ASXL3: variants seen among roughly 807,000 people sequenced by gnomAD.
ASXL3 encodes ASXL transcriptional regulator 3.
ASXL3 carries 34 observed loss-of-function variants against 170.6 expected under a neutral mutation model. The observed-to-expected ratio is 0.20, with a 90% CI of 0.15 to 0.27. The LOEUF is 0.27. Among genes scored for constraint, ASXL3 ranks in the 10% least tolerant of loss-of-function variants. ASXL3 has a pLI of 1.00. For missense variants in ASXL3, 2,592 were observed against 2,695.3 expected (o/e 0.96, Z 0.85); for synonymous variants, 1,002 against 989.1 (o/e 1.01, Z -0.24).
chr18:33,638,177 ATC>A lies in ASXL3; in HGVS notation c.138-6715_138-6714del, dbSNP rs565988006. Among the ~76,000 whole-genome samples the A allele has an allele frequency of 5.3e-3, 798 of 150,120 alleles. 8 individuals are homozygous for A. The highest frequency in any genetic ancestry group is 0.018 in the African/African-American group (755 of 41,084). On this transcript the variant is annotated intron_variant, in intron 2 of 11. Coordinates refer to ENST00000269197, the MANE Select transcript of ASXL3 (RefSeq NM_030632.3). The stretch of plus-strand genomic sequence containing the variant: ...ACGCACATAGTGTGTGTATATATAT[ATC>A]TTATGTGTATATATATCTTATTTAT...
chr18:33,688,194 C>T (rs953475108), intron 8 of ASXL3, among the ~76,000 whole-genome samples: 30 of 152,096 alleles, frequency 2.0e-4, no homozygotes, highest in African/African-American at 5.8e-4. Flanking sequence ...AAACCCAGTA[C>T]GCCTGTCCTT....
In ASXL3 at chr18:33,746,512, G is replaced by T; in HGVS notation, c.6664G>T (p.Val2222Leu). The change falls in exon 12 of 12, where the codon GTG (valine) becomes TTG (leucine). Residue 2222 changes from valine to leucine, a missense_variant. Physicochemically the swap from Val to Leu is conservative, Grantham distance 32. Transcript: ENST00000269197. Reference sequence around the variant, plus strand: ...CTCTTGCCGGCTGAAAGCCATGATTGTGTGCAAAGGCTGTGGGGCCTTCTG... The same window carrying T: ...CTCTTGCCGGCTGAAAGCCATGATTTTGTGCAAAGGCTGTGGGGCCTTCTG... ...KCSCRLKAMI[V>L]CKGCGAFCHD... 6.2e-7 allele frequency: 1 copy of T among 1,613,910 alleles called. No individual in the cohort carries two copies. The highest frequency in any genetic ancestry group is 8.5e-7 in the Non-Finnish European group (1 of 1,179,836).
rs1599576086 is a variant in ASXL3, at chr18:33,745,150, A to G, written c.5302A>G (p.Arg1768Gly). The change falls in exon 12 of 12, where the codon AGA becomes GGA. Residue 1768 changes from arginine to glycine, a missense_variant. By Grantham distance (125) the Arg-to-Gly change is moderately radical (BLOSUM62 -2). Transcript: ENST00000269197. ...TTTGGAAAAAGTGTTGCCACAGCCC[A>G]GATTGGGAGCCAAGCTTGAAATCAA... ...LPLEKVLPQP[R>G]LGAKLEINRL... The G allele has an allele frequency of 1.9e-6, 3 of 1,614,014 alleles. No individual in the cohort carries two copies. The highest frequency in any genetic ancestry group is 4.5e-5 in the East Asian group (2 of 44,864).
intron 7 of ASXL3, among the ~76,000 whole-genome samples, chr18:33,681,766 TG>T (rs2066519839): frequency 3.3e-5 from 5 of 152,042 alleles, no homozygotes; most frequent in African/African-American, 1.2e-4. Flanking sequence ...CTGCAATCTG[TG>T]TTTTTTTTAA....
intron 8 of ASXL3, among the ~76,000 whole-genome samples, chr18:33,726,661 A>C (rs2067356595): frequency 6.6e-6 from 1 of 152,198 alleles, no homozygotes; most frequent in Non-Finnish European, 1.5e-5. Context: ...TTAGTAGAAA[A>C]ATTGAAATCA....
intron 2 of ASXL3, among the ~76,000 whole-genome samples, chr18:33,644,116 C>T (rs1328799557): frequency 6.6e-6 from 1 of 151,826 alleles, no homozygotes; most frequent in Non-Finnish European, 1.5e-5. Flanking sequence ...TGAACTCATT[C>T]TAATAATGTT....
chr18:33,610,746 C>G (rs9967208), intron 2 of ASXL3, among the ~76,000 whole-genome samples: 6 of 152,098 alleles, frequency 3.9e-5, no homozygotes, highest in African/African-American at 1.4e-4. Context: ...GTAACAACTT[C>G]GGCTTGCATT....
chr18:33,607,455 C>T (rs1383865369), intron 1 of ASXL3, 139 bp from the exon 2 acceptor site: 1 of 695,556 alleles, frequency 1.4e-6, no homozygotes, highest in Non-Finnish European at 2.4e-6. Flanking sequence ...CTTTGGACAC[C>T]TGATCTGTAT....
At chr18:33,615,181 G>A (rs908525884) in intron 2 of ASXL3, among the ~76,000 whole-genome samples, 6 of 152,092 alleles carry the variant, frequency 3.9e-5, no homozygotes, top group Non-Finnish European at 8.8e-5. Context: ...CTTTGTCAAT[G>A]ATCTTAGCGA....
chr18:33,579,394 G>A (rs911862828), intron 1 of ASXL3, among the ~76,000 whole-genome samples: 2 of 152,174 alleles, frequency 1.3e-5, no homozygotes, highest in African/African-American at 4.8e-5. Flanking sequence ...TTGGGTCAGT[G>A]TCATTTGTAG....
intron 8 of ASXL3, among the ~76,000 whole-genome samples, chr18:33,704,293 A>T (rs1488422848): frequency 1.3e-5 from 2 of 152,090 alleles, no homozygotes; most frequent in Non-Finnish European, 2.9e-5. Context: ...GATATTACAG[A>T]TGCCTCTGAA....
chr18:33,742,845 A>C (rs2067687329), intron 11 of ASXL3, 43 bp from the exon 12 acceptor site: 1 of 1,531,322 alleles, frequency 6.5e-7, no homozygotes, highest in African/African-American at 1.4e-5. Flanking sequence ...CTCTGTGATC[A>C]TGTATGAAGC....
At position 33,746,065 on chromosome 18, in the gene ASXL3, A is replaced by G; in HGVS notation, c.6217A>G (p.Thr2073Ala). 2 of 1,613,266 alleles carry G rather than the reference A, an allele frequency of 1.2e-6. No homozygotes were observed. Among genetic ancestry groups the G allele is most frequent in the Non-Finnish European group, 8.5e-7 (1 of 1,179,846 alleles). ...TAAGAGACTTAGTTGGCCACAGTCC[A>G]CGGGCATATGTAGCAATATAAAATC... ...TTKRLSWPQS[T>A]GICSNIKSEP... Residue 2073 changes from threonine to alanine, a missense_variant, in exon 12 of 12, where the codon ACG becomes GCG. By Grantham distance (58) the Thr-to-Ala change is moderately conservative. Coordinates refer to ENST00000269197, the MANE Select transcript of ASXL3 (RefSeq NM_030632.3).
chr18:33,742,497 A>G (rs2067680851), intron 11 of ASXL3, among the ~76,000 whole-genome samples: 1 of 152,152 alleles, frequency 6.6e-6, no homozygotes, highest in Non-Finnish European at 1.5e-5. Context: ...ACTCAAATAG[A>G]GTTGAAGTTC....
Position 33,745,615 on chromosome 18 carries a change from G to T in ASXL3, c.5767G>T (p.Ala1923Ser). ...VDKNGGFHTD[A>S]GTSHRQQFYQ... Reference sequence around the variant, plus strand: ...CAAGAATGGCGGCTTCCACACTGACGCTGGTACCTCACACAGACAGCAGTT... The same window carrying T: ...CAAGAATGGCGGCTTCCACACTGACTCTGGTACCTCACACAGACAGCAGTT... The change falls in exon 12 of 12, where the codon GCT becomes TCT. Residue 1923 changes from alanine (A) to serine (S), a missense_variant. This residue lies in a region of ASXL3 where 2,246 missense variants were observed against 2,219.6 expected (regional missense o/e 1.01). Coordinates refer to ENST00000269197, the MANE Select transcript of ASXL3 (RefSeq NM_030632.3). 1 of 1,613,920 alleles carries T rather than the reference G, an allele frequency of 6.2e-7. No homozygotes were observed. Among genetic ancestry groups the T allele is most frequent in the Non-Finnish European group, 8.5e-7 (1 of 1,179,894 alleles).
At position 33,746,655 on chromosome 18, in the gene ASXL3, A is replaced by C; in HGVS notation, c.*60A>C. 1 of 1,505,136 alleles carries C rather than the reference A, an allele frequency of 6.6e-7. No individual in the cohort carries two copies. Among genetic ancestry groups the C allele is most frequent in the South Asian group, 1.4e-5 (1 of 73,950 alleles). 93.2% of individuals were successfully genotyped at this position (1,505,136 alleles called of 1,614,324 possible). The stretch of plus-strand genomic sequence containing the variant: ...ACGGAAAAGCCAAATAGCATCAGCA[A>C]CAACAAATAGAATAATGCAGTGGTT... On this transcript the variant is annotated 3_prime_UTR_variant, in exon 12 of 12. Transcript: ENST00000269197.
intron 8 of ASXL3, among the ~76,000 whole-genome samples, chr18:33,706,979 C>A (rs1416667492): frequency 2.0e-5 from 3 of 151,850 alleles, no homozygotes; most frequent in Admixed American, 1.3e-4. Flanking sequence ...TCCAGTTGAC[C>A]AAACATATCT....
chr18:33,631,411 A>G (rs193225430), intron 2 of ASXL3, among the ~76,000 whole-genome samples: 28 of 152,196 alleles, frequency 1.8e-4, no homozygotes, highest in Admixed American at 1.7e-3. Context: ...CTTGATTCCA[A>G]GTGATGCGTC....
chr18:33,713,905 T>C (rs935296537), intron 8 of ASXL3, among the ~76,000 whole-genome samples: 1 of 152,200 alleles, frequency 6.6e-6, no homozygotes, highest in Non-Finnish European at 1.5e-5. Context: ...AAAGAAAATT[T>C]TGTATGTGTT....
Sources: allele counts gnomAD v4.1 joint callset (sites outside exome capture counted in the v4.1 genomes callset), GRCh38; gene constraint gnomAD v4.1.1; regional missense constraint gnomAD v4.1.1; transcripts MANE v1.5; gene names NCBI Gene and HGNC (gene_info 2026-07-23, HGNC 2026-07-21).